The following CACNA2D3 variants were observed in gnomAD, a reference collection of about 807,000 sequenced individuals.
The protein encoded by CACNA2D3 is voltage-dependent calcium channel subunit alpha-2/delta-3.
In CACNA2D3, 60 loss-of-function variants were observed where a neutral mutation model predicts 160.6. That is an observed-to-expected ratio of 0.37 (90% CI 0.30 to 0.46). The LOEUF (loss-of-function observed/expected upper bound fraction) is 0.46, where lower values mean the gene tolerates loss of function less well. CACNA2D3 is among the 20% of genes least tolerant of loss of function. CACNA2D3 has a pLI of 1.00. For synonymous variants in CACNA2D3, 558 were observed against 492.9 expected (o/e 1.13, Z -1.75); for missense variants, 1,205 against 1,365.0 (o/e 0.88, Z 1.85).
intron 27 of CACNA2D3, among the ~76,000 whole-genome samples, chr3:54,921,184 C>T (rs1459392958): frequency 4.0e-5 from 1 of 24,994 alleles, no homozygotes; most frequent in Non-Finnish European, 7.0e-5. Flanking sequence ...TCACTAGTAG[C>T]TCTTCACCTC....
intron 2 of CACNA2D3, among the ~76,000 whole-genome samples, chr3:54,201,423 A>T (rs1701177026): frequency 6.6e-6 from 1 of 152,242 alleles, no homozygotes; most frequent in African/African-American, 2.4e-5. Context: ...CAAAAGAAGT[A>T]TAGCATTAAC....
At chr3:54,602,517 AAAAAG>A (rs1362066467) in intron 9 of CACNA2D3, among the ~76,000 whole-genome samples, 306 of 151,540 alleles carry the variant, frequency 2.0e-3, no homozygotes, top group Non-Finnish European at 3.3e-3. Flanking sequence ...AAAAAAAAAA[AAAAAG>A]GGAAAAAAGA....
chr3:54,382,736 A>T (rs932549480), intron 3 of CACNA2D3, among the ~76,000 whole-genome samples: 1 of 152,290 alleles, frequency 6.6e-6, no homozygotes, highest in Admixed American at 6.5e-5. Context: ...GTGAGCCGAG[A>T]TCACGCCATT....
At chr3:54,638,196 A>G (rs1026799898) in intron 10 of CACNA2D3, 1 of 151,876 alleles carries the variant, frequency 6.6e-6, no homozygotes, top group African/African-American at 2.4e-5. Flanking sequence ...GTATATTGAG[A>G]ATAAGATGGC....
At chr3:54,639,438 G>C (rs1302561082) in intron 10 of CACNA2D3, 3 of 152,498 alleles carry the variant, frequency 2.0e-5, no homozygotes, top group Non-Finnish European at 4.4e-5. Context: ...CGGCGCCGGA[G>C]TTTTGGGTTC....
At chr3:54,618,375 G>GCACACACACA (rs56788185) in intron 9 of CACNA2D3, among the ~76,000 whole-genome samples, 1,984 of 115,460 alleles carry the variant, frequency 0.017, 65 homozygotes, top group Admixed American at 0.062. Flanking sequence ...ATATATATAT[G>GCACACACACA]CACACACACA....
intron 8 of CACNA2D3, among the ~76,000 whole-genome samples, chr3:54,581,231 CTATTCTGGA>C (rs1702672126): frequency 6.6e-6 from 1 of 152,130 alleles, no homozygotes; most frequent in African/African-American, 2.4e-5. Context: ...TGGGGGGGTC[CTATTCTGGA>C]TATTCTGGGA....
intron 4 of CACNA2D3, among the ~76,000 whole-genome samples, chr3:54,403,126 G>A (rs749090873): frequency 2.0e-5 from 3 of 152,000 alleles, no homozygotes; most frequent in Non-Finnish European, 4.4e-5. Context: ...TTTGGGAGAT[G>A]GAGATGGACA....
chr3:54,136,321 C>A (rs1699814628), intron 2 of CACNA2D3, among the ~76,000 whole-genome samples: 1 of 152,232 alleles, frequency 6.6e-6, no homozygotes. Context: ...CTGAAGCCTC[C>A]AACCTTCTCC....
At chr3:54,336,827 A>G (rs1367020051) in intron 3 of CACNA2D3, among the ~76,000 whole-genome samples, 1 of 152,210 alleles carries the variant, frequency 6.6e-6, no homozygotes, top group African/African-American at 2.4e-5. Context: ...CATAAGATTT[A>G]TAGTACAGTA....
intron 11 of CACNA2D3, among the ~76,000 whole-genome samples, chr3:54,683,993 G>C (rs488451): frequency 7.2e-6 from 1 of 138,190 alleles, no homozygotes; most frequent in Non-Finnish European, 1.5e-5. Context: ...TTTTTGAGAC[G>C]GAGTTTCACT....
intron 2 of CACNA2D3, among the ~76,000 whole-genome samples, chr3:54,286,178 T>TA (rs1366259008): frequency 4.6e-5 from 7 of 151,980 alleles, no homozygotes; most frequent in African/African-American, 1.7e-4. Flanking sequence ...TTAAAAACTT[T>TA]GAAAAAAAAT....
chr3:54,397,561 C>G (rs1699379280), intron 4 of CACNA2D3, among the ~76,000 whole-genome samples: 1 of 144,010 alleles, frequency 6.9e-6, no homozygotes, highest in African/African-American at 2.6e-5. Flanking sequence ...TTTCTGTCTT[C>G]ATTTCGTTAT....
chr3:54,901,711 A>G (rs1425409188), intron 27 of CACNA2D3, among the ~76,000 whole-genome samples: 1 of 152,188 alleles, frequency 6.6e-6, no homozygotes, highest in African/African-American at 2.4e-5. Flanking sequence ...TTTAGTCCTT[A>G]CCTTTTAGAA....
chr3:54,663,927 A>G (rs1176055096), intron 11 of CACNA2D3, among the ~76,000 whole-genome samples: 1 of 152,154 alleles, frequency 6.6e-6, no homozygotes, highest in African/African-American at 2.4e-5. Flanking sequence ...TCCTTGGTTC[A>G]TCTCCAGCAT....
At chr3:54,411,289 C>T (rs1425195607) in intron 4 of CACNA2D3, among the ~76,000 whole-genome samples, 1 of 152,162 alleles carries the variant, frequency 6.6e-6, no homozygotes, top group Non-Finnish European at 1.5e-5. Flanking sequence ...CTCCAGTTTT[C>T]GAAGTTCTGC....
chr3:54,809,113 A>G (rs192272090), intron 13 of CACNA2D3, among the ~76,000 whole-genome samples: 10 of 152,016 alleles, frequency 6.6e-5, no homozygotes, highest in African/African-American at 1.4e-4. Flanking sequence ...TATGGCTACT[A>G]AGTGGTAGAG....
intron 2 of CACNA2D3, among the ~76,000 whole-genome samples, chr3:54,300,341 G>A (rs1703444896): frequency 6.6e-6 from 1 of 152,252 alleles, no homozygotes; most frequent in Non-Finnish European, 1.5e-5. Flanking sequence ...GCCACCAGCA[G>A]TCTCTGCCAC....
chr3:54,388,708 A>G (rs1699230738), intron 4 of CACNA2D3, among the ~76,000 whole-genome samples: 1 of 145,798 alleles, frequency 6.9e-6, no homozygotes, highest in Non-Finnish European at 1.5e-5. Flanking sequence ...GGGGCCATTT[A>G]CTGGCCACAT....
Sources: gnomAD v4.1 joint callset for allele counts (sites outside exome capture counted in the v4.1 genomes callset) on GRCh38, gnomAD v4.1.1 for gene constraint, MANE v1.5 for transcripts, NCBI Gene and HGNC (gene_info 2026-07-23, HGNC 2026-07-21) for gene names.